Variants in CDH18 observed in about 807,000 individuals in gnomAD.
CDH18 encodes cadherin 18.
Under a neutral mutation model 67.9 loss-of-function variants are expected in CDH18, and 31 were observed. The observed-to-expected ratio is 0.46, with a 90% confidence interval of 0.34 to 0.62. The LOEUF is 0.62. Among genes scored for constraint, CDH18 ranks in the 20% least tolerant of loss-of-function variants. The pLI is 0.01. For synonymous variants in CDH18, 362 were observed against 347.2 expected (o/e 1.04, Z -0.48); for missense variants, 890 against 975.5 (o/e 0.91, Z 1.17).
intron 3 of CDH18, among the ~76,000 whole-genome samples, chr5:19,800,540 T>C (rs1777349610): frequency 6.6e-6 from 1 of 152,066 alleles, no homozygotes; most frequent in Non-Finnish European, 1.5e-5. Context: ...TTGTAACCTA[T>C]TAGTTAATGA....
rs149665870 is a variant in CDH18, at chr5:19,737,743, C to G, written c.523+9199G>C. On this transcript the variant is annotated intron_variant, in intron 4 of 12. Coordinates refer to ENST00000382275, the MANE Select transcript of CDH18 (RefSeq NM_004934.5). ...AGTATATGTCCTAATACAGTAATTT[C>G]AGCATTTGCTTAAAATCTTTTTCAA... 2.4e-3 allele frequency among the ~76,000 whole-genome samples: 364 copies of G among 152,292 alleles called. 1 individual carries two copies. Among genetic ancestry groups the G allele is most frequent in the African/African-American group, 8.3e-3 (347 of 41,572 alleles).
In CDH18 at chr5:20,209,605, T is replaced by C. The variant is rs563248490; in HGVS notation, c.-518+45839A>G. 7.9e-5 allele frequency among the ~76,000 whole-genome samples: 12 copies of C among 152,012 alleles called. No individual in the cohort carries two copies. In the South Asian group the frequency reaches 2.5e-3, roughly 32 times the overall value. On this transcript the variant is annotated intron_variant, in intron 2 of 14. Coordinates refer to the CDH18 transcript ENST00000507958. ...TTATCAGAGTCTGGGAAAATTGGCA[T>C]AGGGAGATAAAAAGAGGTTGACCAA...
intron 1 of CDH18, among the ~76,000 whole-genome samples, chr5:20,277,972 A>G (rs1745931078): frequency 6.6e-6 from 1 of 152,156 alleles, no homozygotes; most frequent in Middle Eastern, 3.2e-3. Context: ...CAGTCGGAGG[A>G]GAAAAATGCA....
chr5:19,690,081 G>T (rs1761653201), intron 5 of CDH18, among the ~76,000 whole-genome samples: 1 of 141,042 alleles, frequency 7.1e-6, no homozygotes, highest in South Asian at 2.2e-4. Flanking sequence ...ATATGTGTGT[G>T]TGTATATATA....
At chr5:19,987,858 G>T (rs1401278824) in intron 1 of CDH18, among the ~76,000 whole-genome samples, 1 of 152,138 alleles carries the variant, frequency 6.6e-6, no homozygotes, top group Admixed American at 6.6e-5. Context: ...ACTCGCATTC[G>T]ATAGGCTCTA....
intron 5 of CDH18, among the ~76,000 whole-genome samples, chr5:19,622,787 T>C (rs1238744153): frequency 5.3e-5 from 8 of 152,108 alleles, no homozygotes; most frequent in African/African-American, 1.2e-4. Flanking sequence ...TGAACTTCCC[T>C]GGACCCATCC....
chr5:20,515,893 GAAGTT>G (rs907790811), intron 1 of CDH18, among the ~76,000 whole-genome samples: 2 of 152,102 alleles, frequency 1.3e-5, no homozygotes, highest in African/African-American at 4.8e-5. Flanking sequence ...GGAAAAATAT[GAAGTT>G]AAGTTGCTTG....
At chr5:20,260,534 A>G (rs558135384) in intron 1 of CDH18, among the ~76,000 whole-genome samples, 1 of 152,224 alleles carries the variant, frequency 6.6e-6, no homozygotes, top group South Asian at 2.1e-4. Flanking sequence ...GAACCCTGAA[A>G]GGGGGTGGAC....
chr5:19,651,414 G>C (rs1015510919), intron 5 of CDH18, among the ~76,000 whole-genome samples: 1 of 152,016 alleles, frequency 6.6e-6, no homozygotes, highest in Non-Finnish European at 1.5e-5. Context: ...CATTATTAAA[G>C]ATATCATAAC....
intron 3 of CDH18, among the ~76,000 whole-genome samples, chr5:19,790,945 C>T (rs1348140800): frequency 6.6e-6 from 1 of 151,974 alleles, no homozygotes; most frequent in Non-Finnish European, 1.5e-5. Context: ...GTGTCAAGAA[C>T]GATTCTCAGG....
chr5:19,531,937 T>C (rs972211566), intron 9 of CDH18, among the ~76,000 whole-genome samples: 2 of 152,160 alleles, frequency 1.3e-5, no homozygotes, highest in African/African-American at 4.8e-5. Context: ...GGCAAAACTA[T>C]AGGTAGTTAC....
At chr5:19,516,880 T>C (rs977426746) in intron 10 of CDH18, among the ~76,000 whole-genome samples, 1 of 152,058 alleles carries the variant, frequency 6.6e-6, no homozygotes, top group African/African-American at 2.4e-5. Flanking sequence ...ACCATTCACC[T>C]ATTGAAGGAT....
At chr5:19,678,886 C>A (rs1759867645) in intron 5 of CDH18, among the ~76,000 whole-genome samples, 1 of 151,862 alleles carries the variant, frequency 6.6e-6, no homozygotes, top group African/African-American at 2.4e-5. Context: ...AGAGTTGTTA[C>A]CATTCCTACT....
chr5:19,504,228 C>T (rs895021462), intron 10 of CDH18, among the ~76,000 whole-genome samples: 1 of 151,966 alleles, frequency 6.6e-6, no homozygotes, highest in Non-Finnish European at 1.5e-5. Context: ...GAAGAAAGTA[C>T]TTCAGGATAC....
intron 2 of CDH18, among the ~76,000 whole-genome samples, chr5:19,997,534 T>C (rs1469274171): frequency 6.6e-6 from 1 of 152,162 alleles, no homozygotes. Context: ...CAGTATCACT[T>C]TGTTTTCATT....
chr5:20,421,096 A>C (rs1747824538), intron 1 of CDH18, among the ~76,000 whole-genome samples: 1 of 150,912 alleles, frequency 6.6e-6, no homozygotes, highest in Non-Finnish European at 1.5e-5. Context: ...CAAAACCTGA[A>C]GTTTGCCTTG....
intron 1 of CDH18, among the ~76,000 whole-genome samples, chr5:20,526,300 T>TGGTCTCAGGTTCAGGGGACCTAA (rs1756055280): frequency 6.6e-6 from 1 of 152,106 alleles, no homozygotes; most frequent in African/African-American, 2.4e-5. Flanking sequence ...GGGGCAGCCA[T>TGGTCTCAGGTTCAGGGGACCTAA]GGTCTCAGGT....
chr5:19,685,419 C>T lies in CDH18; in HGVS notation c.643+35928G>A, dbSNP rs570976725. On this transcript the variant is annotated intron_variant, in intron 5 of 12. Coordinates refer to ENST00000382275, the MANE Select transcript of CDH18 (RefSeq NM_004934.5). The stretch of plus-strand genomic sequence containing the variant: ...AAGTCACTCTGTACAGGTTATTATT[C>T]CTGTTGTTCTCATTTCCAGCCCTTT... Among the ~76,000 whole-genome samples, 10 of 152,288 alleles carry T rather than the reference C, an allele frequency of 6.6e-5. No individual in the cohort carries two copies. In the South Asian group the frequency reaches 2.1e-3, roughly 32 times the overall value.
intron 1 of CDH18, among the ~76,000 whole-genome samples, chr5:20,564,029 G>A (rs185480467): frequency 6.6e-6 from 1 of 152,040 alleles, no homozygotes; most frequent in East Asian, 1.9e-4. Context: ...ATTAGATCAT[G>A]TTACCCCATG....
Sources: gnomAD v4.1 joint callset for allele counts (sites outside exome capture counted in the v4.1 genomes callset) on GRCh38, gnomAD v4.1.1 for gene constraint, MANE v1.5 for transcripts, NCBI Gene and HGNC (gene_info 2026-07-23, HGNC 2026-07-21) for gene names.